The following SUGCT variants were observed in gnomAD, a reference collection of about 807,000 sequenced individuals.
SUGCT encodes succinyl-CoA:glutarate CoA-transferase.
Under a neutral mutation model 55.0 loss-of-function variants are expected in SUGCT, and 41 were observed. The ratio of observed to expected loss-of-function variants is 0.74; its 90% CI spans 0.58 to 0.97. The LOEUF (loss-of-function observed/expected upper bound fraction) is 0.97. Ranked by LOEUF, SUGCT falls within the 50% of genes least tolerant of loss-of-function variation. The probability of loss-of-function intolerance (pLI) is 0.00; values close to 1 mark genes in which losing one functional copy is unlikely to be tolerated. For missense variants in SUGCT, 568 were observed against 547.8 expected (o/e 1.04, Z -0.37); for synonymous variants, 187 against 200.4 (o/e 0.93, Z 0.56).
intron 12 of SUGCT, among the ~76,000 whole-genome samples, chr7:40,585,275 A>C (rs1797315363): frequency 6.6e-6 from 1 of 152,220 alleles, no homozygotes; most frequent in Non-Finnish European, 1.5e-5. Context: ...GTGATATAGT[A>C]TCTGGATTGA....
chr7:40,357,741 T>G (rs1797944964), intron 9 of SUGCT, among the ~76,000 whole-genome samples: 1 of 152,144 alleles, frequency 6.6e-6, no homozygotes, highest in African/African-American at 2.4e-5. Context: ...TTTTTTCTTT[T>G]CTTTTTTGTC....
intron 12 of SUGCT, chr7:40,683,906 C>T: frequency 8.9e-7 from 1 of 1,127,028 alleles, no homozygotes; most frequent in Non-Finnish European, 1.2e-6. Context: ...ATAGGTCTCA[C>T]CAGGCTAAAA....
intron 3 of SUGCT, among the ~76,000 whole-genome samples, chr7:40,184,507 T>C (rs1037794448): frequency 1.3e-5 from 2 of 152,144 alleles, no homozygotes; most frequent in African/African-American, 4.8e-5. Flanking sequence ...AATTTTTTTT[T>C]TTTTTGGTAA....
rs1211411269 is a variant in SUGCT, at chr7:40,646,569, A to G, written c.1090-102865A>G. 2.6e-5 allele frequency among the ~76,000 whole-genome samples: 4 copies of G among 152,144 alleles called. 1 individual carries two copies. Among genetic ancestry groups the G allele is most frequent in the Middle Eastern group, 6.3e-3 (2 of 316 alleles). On this transcript the variant is annotated intron_variant, in intron 12 of 13. Coordinates refer to ENST00000335693, the MANE Select transcript of SUGCT (RefSeq NM_001193313.2). ...TCATTTCTATCATTTTTACTGGGCT[A>G]GTGCTTTCCTGTTCAGGACCTTCAC...
chr7:40,861,973 T>A (rs975988627), downstream of SUGCT, among the ~76,000 whole-genome samples: 1 of 152,226 alleles, frequency 6.6e-6, no homozygotes, highest in East Asian at 1.9e-4. Flanking sequence ...GAAATATTTC[T>A]TTATGCTTGT....
chr7:40,162,723 A>G (rs1378241397), intron 1 of SUGCT, among the ~76,000 whole-genome samples: 1 of 152,204 alleles, frequency 6.6e-6, no homozygotes, highest in African/African-American at 2.4e-5. Context: ...CCAGGGCTCA[A>G]GTGACACTCC....
chr7:40,978,545 T>C, the SUGCT span, among the ~76,000 whole-genome samples: 136,817 of 152,164 alleles, frequency 0.9, 61,701 homozygotes, highest in African/African-American at 0.97. Context: ...AACGTGTGAG[T>C]GGGCATAGTA....
At chr7:40,219,881 A>G (rs1175837501) in intron 6 of SUGCT, among the ~76,000 whole-genome samples, 1 of 151,812 alleles carries the variant, frequency 6.6e-6, no homozygotes, top group African/African-American at 2.4e-5. Context: ...TCTTATGTTC[A>G]CTCCCTTATA....
At chr7:40,874,476 C>G in the SUGCT span, among the ~76,000 whole-genome samples, 1 of 152,132 alleles carries the variant, frequency 6.6e-6, no homozygotes, top group Non-Finnish European at 1.5e-5. Flanking sequence ...AGTTTTATAT[C>G]ATGATTCTTC....
intron 12 of SUGCT, among the ~76,000 whole-genome samples, chr7:40,663,240 T>G (rs746346037): frequency 2.0e-5 from 3 of 152,324 alleles, no homozygotes; most frequent in Non-Finnish European, 4.4e-5. Flanking sequence ...AGGGTAATTC[T>G]TTTTAAATAG....
intron 13 of SUGCT, among the ~76,000 whole-genome samples, chr7:40,755,653 G>A (rs1788219211): frequency 1.3e-5 from 2 of 152,170 alleles, no homozygotes; most frequent in African/African-American, 4.8e-5. Flanking sequence ...AAACTTCAAA[G>A]GATGTCATTG....
intron 6 of SUGCT, 61 bp downstream of exon 6, chr7:40,195,121 G>A (rs989914925): frequency 5.9e-5 from 85 of 1,437,862 alleles, no homozygotes; most frequent in Admixed American, 2.4e-5. Flanking sequence ...TTTTCTTATT[G>A]CTATAAGAAA....
At chr7:40,619,595 A>G (rs575005746) in intron 12 of SUGCT, among the ~76,000 whole-genome samples, 1 of 152,166 alleles carries the variant, frequency 6.6e-6, no homozygotes, top group South Asian at 2.1e-4. Flanking sequence ...TTTGTTTGGG[A>G]TTTTTTAATA....
rs369246934 is a variant in SUGCT at position 40,448,924 on chromosome 7, A to G, written c.817-363A>G. 4.0e-3 allele frequency among the ~76,000 whole-genome samples: 576 copies of G among 145,172 alleles called. 2 individuals carry two copies. The highest frequency in any genetic ancestry group is 6.5e-3 in the Non-Finnish European group (428 of 65,700). On this transcript the variant is annotated intron_variant, in intron 9 of 13. Transcript: ENST00000335693. Reference sequence around the variant, plus strand: ...CACATATGTGTGTGTGTGTGTATATATGTGTGTGTGTGTGTGTGTGTGTGT... The same window carrying G: ...CACATATGTGTGTGTGTGTGTATATGTGTGTGTGTGTGTGTGTGTGTGTGT...
chr7:40,816,557 G>A (rs1243084979), intron 13 of SUGCT, among the ~76,000 whole-genome samples: 1 of 152,100 alleles, frequency 6.6e-6, no homozygotes, highest in Admixed American at 6.5e-5. Flanking sequence ...CTGTTTGCTG[G>A]CATTTTTCTC....
At chr7:40,881,250 G>A in the SUGCT span, among the ~76,000 whole-genome samples, 5 of 152,178 alleles carry the variant, frequency 3.3e-5, no homozygotes, top group East Asian at 7.7e-4. Flanking sequence ...ATAACCTGTC[G>A]CTGCTATATA....
At chr7:40,308,358 C>T (rs940566708) in intron 8 of SUGCT, among the ~76,000 whole-genome samples, 2 of 152,062 alleles carry the variant, frequency 1.3e-5, no homozygotes, top group Non-Finnish European at 2.9e-5. Flanking sequence ...ACCTAGTTGA[C>T]GAATTAAGTA....
At chr7:40,330,293 T>A (rs549227618) in intron 9 of SUGCT, among the ~76,000 whole-genome samples, 9 of 152,282 alleles carry the variant, frequency 5.9e-5, no homozygotes, top group Non-Finnish European at 1.0e-4. Context: ...AAATGTAATC[T>A]TGTAGGGAGT....
At chr7:40,547,212 G>A (rs1184188739) in intron 12 of SUGCT, among the ~76,000 whole-genome samples, 2 of 152,150 alleles carry the variant, frequency 1.3e-5, no homozygotes, top group South Asian at 2.1e-4. Context: ...AGCGAGGCAA[G>A]CAAAGTTCCC....
Sources: gnomAD v4.1 joint callset for allele counts (sites outside exome capture counted in the v4.1 genomes callset) on GRCh38, gnomAD v4.1.1 for gene constraint, MANE v1.5 for transcripts, NCBI Gene and HGNC (gene_info 2026-07-23, HGNC 2026-07-21) for gene names.